The following ST7 variants were observed in gnomAD, a reference collection of about 807,000 sequenced individuals.
The protein encoded by ST7 is suppression of tumorigenicity 7, also known as suppressor of tumorigenicity 7 protein.
In ST7, 28 loss-of-function variants were observed where a neutral mutation model predicts 78.7. The observed-to-expected ratio is 0.36, with a 90% CI of 0.26 to 0.49. ST7 has a LOEUF of 0.49. Among genes scored for constraint, ST7 ranks in the 20% least tolerant of loss-of-function variants. The pLI, the probability that ST7 is intolerant of heterozygous loss-of-function variation, is 0.99. For missense variants in ST7, 418 were observed against 696.0 expected, an observed-to-expected ratio of 0.60 and a Z score of 4.49; for synonymous variants, 247 against 249.6, an observed-to-expected ratio of 0.99 and a Z score of 0.10.
At chr7:117,205,514 A>T (rs1480755597) in intron 12 of ST7, among the ~76,000 whole-genome samples, 2 of 152,236 alleles carry the variant, frequency 1.3e-5, no homozygotes, top group Non-Finnish European at 2.9e-5. Flanking sequence ...TATGTGAATG[A>T]TAACTATGGG....
chr7:116,974,571 G>A (rs930341609), intron 1 of ST7, among the ~76,000 whole-genome samples: 4 of 152,264 alleles, frequency 2.6e-5, no homozygotes, highest in East Asian at 3.9e-4. Context: ...GATTACAGGC[G>A]TGAGCCACTG....
chr7:117,068,187 A>G (rs1387883440), intron 1 of ST7, among the ~76,000 whole-genome samples: 2 of 152,166 alleles, frequency 1.3e-5, no homozygotes, highest in Non-Finnish European at 2.9e-5. Context: ...TACTATTTCT[A>G]TTATAAATGC....
At chr7:117,134,801 G>T (rs1331066473) in intron 7 of ST7, among the ~76,000 whole-genome samples, 2 of 151,970 alleles carry the variant, frequency 1.3e-5, no homozygotes, top group African/African-American at 4.8e-5. Flanking sequence ...TGTAGAAATT[G>T]GTTTTATAGC....
intron 1 of ST7, among the ~76,000 whole-genome samples, chr7:116,983,281 C>T (rs987986714): frequency 1.3e-5 from 2 of 152,114 alleles, no homozygotes; most frequent in Admixed American, 6.5e-5. Context: ...CTCATCTAAT[C>T]TCTCTGTTTC....
intron 2 of ST7, among the ~76,000 whole-genome samples, chr7:117,106,118 C>T (rs1004324781): frequency 6.6e-6 from 1 of 152,152 alleles, no homozygotes; most frequent in Non-Finnish European, 1.5e-5. Flanking sequence ...CCTGCCTCAG[C>T]CTCCCGAGTA....
chr7:116,999,181 T>C (rs1435732343), intron 1 of ST7, among the ~76,000 whole-genome samples: 1 of 152,206 alleles, frequency 6.6e-6, no homozygotes, highest in African/African-American at 2.4e-5. Context: ...CCTTCTTTCT[T>C]TTTTTCAATA....
intron 9 of ST7, among the ~76,000 whole-genome samples, chr7:117,165,005 G>T (rs1273691965): frequency 1.3e-5 from 2 of 152,136 alleles, no homozygotes; most frequent in African/African-American, 4.8e-5. Context: ...TTGACAGGCT[G>T]CCTTGTAAAT....
intron 1 of ST7, among the ~76,000 whole-genome samples, chr7:116,989,009 G>T (rs1363750725): frequency 6.6e-6 from 1 of 152,116 alleles, no homozygotes; most frequent in African/African-American, 2.4e-5. Flanking sequence ...GTATCCAACA[G>T]AAATATGATA....
chr7:117,136,275 T>C (rs768991753), intron 8 of ST7, 40 bp downstream of exon 8: 4 of 1,613,032 alleles, frequency 2.5e-6, no homozygotes, highest in Non-Finnish European at 3.4e-6. Flanking sequence ...GGGATCAGAA[T>C]TGTAAAAATT....
At chr7:117,175,129 AC>A (rs1429604327) in intron 10 of ST7, among the ~76,000 whole-genome samples, 1 of 152,114 alleles carries the variant, frequency 6.6e-6, no homozygotes, top group Admixed American at 6.5e-5. Context: ...TCTTCAATCA[AC>A]TTGTATCTGA....
intron 1 of ST7, among the ~76,000 whole-genome samples, chr7:116,975,534 A>G (rs1793658899): frequency 6.6e-6 from 1 of 151,804 alleles, no homozygotes; most frequent in Non-Finnish European, 1.5e-5. Flanking sequence ...TAGTCTCCCG[A>G]GTAGCTGGGA....
intron 9 of ST7, among the ~76,000 whole-genome samples, chr7:117,140,813 T>C (rs533349541): frequency 4.3e-4 from 66 of 152,316 alleles, no homozygotes; most frequent in African/African-American, 1.5e-3. Flanking sequence ...ATAACAGTCC[T>C]GTAAGGAACA....
chr7:117,127,133 G>T (rs927497578), intron 3 of ST7, among the ~76,000 whole-genome samples: 23 of 151,978 alleles, frequency 1.5e-4, no homozygotes, highest in African/African-American at 5.5e-4. Flanking sequence ...AATTGTTGAT[G>T]TTAATGGAGA....
intron 1 of ST7, among the ~76,000 whole-genome samples, chr7:117,039,239 C>G (rs1797077245): frequency 1.3e-5 from 2 of 152,046 alleles, no homozygotes; most frequent in Non-Finnish European, 1.5e-5. Flanking sequence ...ATACCTGCTT[C>G]CTATTACCAG....
intron 1 of ST7, among the ~76,000 whole-genome samples, chr7:116,965,581 A>C (rs1219804235): frequency 6.6e-6 from 1 of 152,122 alleles, no homozygotes; most frequent in Non-Finnish European, 1.5e-5. Context: ...GTATAATAAA[A>C]ATTTTTTTAA....
chr7:117,032,576 A>C (rs912762451), intron 1 of ST7, among the ~76,000 whole-genome samples: 1 of 152,184 alleles, frequency 6.6e-6, no homozygotes, highest in African/African-American at 2.4e-5. Flanking sequence ...TTAAAAATTA[A>C]ATTGAATTTA....
chr7:116,974,922 G>C (rs1562987571), intron 1 of ST7, among the ~76,000 whole-genome samples: 1 of 152,132 alleles, frequency 6.6e-6, no homozygotes, highest in Admixed American at 6.6e-5. Context: ...TCACTACTTT[G>C]CCTGCTTAAA....
intron 13 of ST7, among the ~76,000 whole-genome samples, chr7:117,211,685 G>A (rs3757812): frequency 0.12 from 17,951 of 151,886 alleles, 1,835 homozygotes; most frequent in East Asian, 0.48. Context: ...TAGAAAAATG[G>A]CATCACCATA....
At chr7:117,094,814 TG>T (rs1800900110) in intron 1 of ST7, among the ~76,000 whole-genome samples, 1 of 152,210 alleles carries the variant, frequency 6.6e-6, no homozygotes, top group Non-Finnish European at 1.5e-5. Flanking sequence ...TTTTTTTGTT[TG>T]TTTTCTTTTT....
Sources: allele counts gnomAD v4.1 joint callset (sites outside exome capture counted in the v4.1 genomes callset), GRCh38; gene constraint gnomAD v4.1.1; transcripts MANE v1.5; gene names NCBI Gene and HGNC (gene_info 2026-07-23, HGNC 2026-07-21).